The following PLSCR2 variants were observed in gnomAD, a reference collection of about 807,000 sequenced individuals.
PLSCR2 encodes the protein PL scramblase 2.
Under a neutral mutation model 25.3 loss-of-function variants are expected in PLSCR2, and 18 were observed. That is an observed-to-expected ratio of 0.71 (90% CI 0.49 to 1.06). The LOEUF (loss-of-function observed/expected upper bound fraction) is 1.06. Ranked by LOEUF, PLSCR2 falls within the 50% of genes least tolerant of loss-of-function variation. PLSCR2 has a pLI of 0.00. For missense variants in PLSCR2, 243 were observed against 269.5 expected, an observed-to-expected ratio of 0.90 and a Z score of 0.69; for synonymous variants, 88 against 87.3, an observed-to-expected ratio of 1.01 and a Z score of -0.04.
chr3:146,442,663 G>T (rs1576636667), intron 6 of PLSCR2, among the ~76,000 whole-genome samples: 1 of 152,044 alleles, frequency 6.6e-6, no homozygotes, highest in East Asian at 1.9e-4. Flanking sequence ...CCAAACATTT[G>T]TAATCAATTG....
intron 3 of PLSCR2, 41 bp downstream of exon 3, chr3:146,458,370 C>A: frequency 2.1e-6 from 3 of 1,450,316 alleles, no homozygotes; most frequent in Non-Finnish European, 2.8e-6. Flanking sequence ...GCATAAACTT[C>A]TTCTCTTTTT....
At chr3:146,441,626 T>G (rs957026555), downstream of PLSCR2, 1 of 500,988 alleles carries the variant, frequency 2.0e-6, no homozygotes, top group African/African-American at 2.0e-5. Context: ...AATTATATAC[T>G]CAGAGCTACA....
At chr3:146,477,429 T>G (rs1229581711) in intron 1 of PLSCR2, among the ~76,000 whole-genome samples, 1 of 152,156 alleles carries the variant, frequency 6.6e-6, no homozygotes. Context: ...ACTAGGAAAT[T>G]CTCTCCCGTG....
At chr3:146,416,976 G>A (rs2039020470) in intron 2 of PLSCR2, among the ~76,000 whole-genome samples, 1 of 152,138 alleles carries the variant, frequency 6.6e-6, no homozygotes, top group African/African-American at 2.4e-5. Flanking sequence ...CAATCTTGAA[G>A]AATGAGCATT....
At chr3:146,431,656 A>G (rs776210942), downstream of PLSCR2, among the ~76,000 whole-genome samples, 7 of 152,224 alleles carry the variant, frequency 4.6e-5, no homozygotes, top group Non-Finnish European at 7.3e-5. Context: ...CAAGATACAG[A>G]TTATCTCCAA....
chr3:146,486,782 A>G (rs893165388), intron 1 of PLSCR2, among the ~76,000 whole-genome samples: 3 of 152,094 alleles, frequency 2.0e-5, no homozygotes, highest in African/African-American at 7.2e-5. Context: ...ATTCCAAACA[A>G]CTGAAAGGAA....
chr3:146,455,052 G>A (rs963228197), intron 4 of PLSCR2, among the ~76,000 whole-genome samples, 187 bp downstream of exon 4: 5 of 152,224 alleles, frequency 3.3e-5, no homozygotes, highest in African/African-American at 9.6e-5. Context: ...AGACTGCTGC[G>A]GGACACGAGG....
At chr3:146,479,472 A>T (rs580311) in intron 1 of PLSCR2, among the ~76,000 whole-genome samples, 49,094 of 152,044 alleles carry the variant, frequency 0.32, 7,968 homozygotes, top group South Asian at 0.41. Flanking sequence ...ATTTAAACCA[A>T]CAAAGATCAA....
At chr3:146,434,042 GC>G (rs1190942601) in intron 8 of PLSCR2, among the ~76,000 whole-genome samples, 2 of 152,142 alleles carry the variant, frequency 1.3e-5, no homozygotes, top group African/African-American at 4.8e-5. Flanking sequence ...AATTACAAAT[GC>G]CTTTAAGTTT....
chr3:146,419,751 A>G (rs1220656350), intron 2 of PLSCR2, among the ~76,000 whole-genome samples: 1 of 151,998 alleles, frequency 6.6e-6, no homozygotes, highest in Non-Finnish European at 1.5e-5. Context: ...CCATCTTCAC[A>G]ATCAGCAGTA....
At chr3:146,449,019 A>C (rs925559983) in intron 6 of PLSCR2, among the ~76,000 whole-genome samples, 187 bp downstream of exon 6, 1 of 152,210 alleles carries the variant, frequency 6.6e-6, no homozygotes, top group South Asian at 2.1e-4. Flanking sequence ...CTCTTCAGAC[A>C]TAAACTAACC....
At chr3:146,394,427 C>T (rs369169507) in intron 3 of PLSCR2, among the ~76,000 whole-genome samples, 7 of 151,998 alleles carry the variant, frequency 4.6e-5, no homozygotes, top group African/African-American at 1.4e-4. Context: ...GTCACCTGCT[C>T]GGCTGATTTT....
chr3:146,404,859 A>G (rs970708288), intron 2 of PLSCR2, among the ~76,000 whole-genome samples: 3 of 151,268 alleles, frequency 2.0e-5, no homozygotes, highest in African/African-American at 7.3e-5. Flanking sequence ...AGGTAAGTCC[A>G]AAGTCCAATA....
At chr3:146,455,177 A>G (rs1658082295) in intron 4 of PLSCR2, 62 bp downstream of exon 4, 1 of 1,082,222 alleles carries the variant, frequency 9.2e-7, no homozygotes, top group East Asian at 2.4e-5. Context: ...TACAGATTCA[A>G]TAAAAGGGTG....
intron 6 of PLSCR2, among the ~76,000 whole-genome samples, chr3:146,443,604 C>T (rs566701429): frequency 2.1e-4 from 32 of 151,872 alleles, no homozygotes; most frequent in African/African-American, 6.7e-4. Flanking sequence ...TCAATTAAAG[C>T]GTCTCCTTTT....
chr3:146,487,618 T>G (rs1313811098), intron 1 of PLSCR2, among the ~76,000 whole-genome samples: 1 of 152,066 alleles, frequency 6.6e-6, no homozygotes, highest in African/African-American at 2.4e-5. Context: ...TAACAAGGGA[T>G]GTGAAGGACA....
intron 2 of PLSCR2, among the ~76,000 whole-genome samples, chr3:146,416,063 G>A (rs1395645536): frequency 6.6e-6 from 1 of 152,008 alleles, no homozygotes; most frequent in Admixed American, 6.6e-5. Flanking sequence ...CCATTCTCCT[G>A]CCTCAGCCTC....
At chr3:146,434,798 T>G (rs900337146) in intron 8 of PLSCR2, among the ~76,000 whole-genome samples, 1 of 152,132 alleles carries the variant, frequency 6.6e-6, no homozygotes, top group Admixed American at 6.5e-5. Context: ...ATACTTTAAG[T>G]TCTAGGGTAC....
downstream of PLSCR2, among the ~76,000 whole-genome samples, chr3:146,438,632 T>G (rs907242328): frequency 5.9e-5 from 9 of 152,222 alleles, no homozygotes; most frequent in African/African-American, 1.9e-4. Context: ...GCTTGGTAGA[T>G]CTTCCTGCAT....
Sources: allele counts gnomAD v4.1 joint callset (sites outside exome capture counted in the v4.1 genomes callset), GRCh38; gene constraint gnomAD v4.1.1; transcripts MANE v1.5; gene names NCBI Gene and HGNC (gene_info 2026-07-23, HGNC 2026-07-21).